The following KIAA1217 variants were observed in gnomAD, a reference collection of about 807,000 sequenced individuals.
KIAA1217 encodes the protein KIAA1217.
Under a neutral mutation model 163.9 loss-of-function variants are expected in KIAA1217, and 88 were observed. That is an observed-to-expected ratio of 0.54 (90% CI 0.45 to 0.64). KIAA1217 has a LOEUF of 0.64. Among genes scored for constraint, KIAA1217 ranks in the 30% least tolerant of loss-of-function variants. The probability of loss-of-function intolerance (pLI) is 0.00; values close to 1 mark genes in which losing one functional copy is unlikely to be tolerated. For missense variants in KIAA1217, 2,372 were observed against 2,475.0 expected (o/e 0.96, Z 0.88); for synonymous variants, 903 against 923.1 (o/e 0.98, Z 0.39).
chr10:24,196,940 C>T (rs1376032824), intron 2 of KIAA1217, among the ~76,000 whole-genome samples: 3 of 152,268 alleles, frequency 2.0e-5, no homozygotes, highest in East Asian at 3.9e-4. Context: ...CACTCATTTA[C>T]CCAACAAATA....
At chr10:24,322,053 AT>A (rs2044233620) in intron 2 of KIAA1217, among the ~76,000 whole-genome samples, 1 of 152,016 alleles carries the variant, frequency 6.6e-6, no homozygotes, top group Non-Finnish European at 1.5e-5. Context: ...GGTTCACGCG[AT>A]TCTCCCACCT....
At chr10:24,124,806 G>A (rs187708062) in intron 2 of KIAA1217, among the ~76,000 whole-genome samples, 19 of 152,002 alleles carry the variant, frequency 1.2e-4, no homozygotes, top group African/African-American at 3.1e-4. Context: ...TAAAATATCC[G>A]TTCTAAATTT....
At chr10:24,062,075 T>C (rs1311555271) in intron 2 of KIAA1217, among the ~76,000 whole-genome samples, 1 of 152,072 alleles carries the variant, frequency 6.6e-6, no homozygotes, top group Non-Finnish European at 1.5e-5. Flanking sequence ...CTGATTCTTC[T>C]GCTTGCTCTT....
In KIAA1217 at chr10:24,543,871, G is replaced by A; in HGVS notation, c.4601G>A (p.Gly1534Glu). 1 of 1,614,048 alleles carries A rather than the reference G, an allele frequency of 6.2e-7. No homozygotes were observed. The highest frequency in any genetic ancestry group is 8.5e-7 in the Non-Finnish European group (1 of 1,180,022). ...HSLATETRNP[G>E]GQEMNRTELN... The stretch of plus-strand genomic sequence containing the variant: ...CTGGCCACAGAGACCAGAAACCCAG[G>A]AGGACAGGAAATGAACAGAACGGAG... Residue 1534 changes from glycine (G) to glutamate (E), a missense_variant, in exon 19 of 21, where the codon GGA becomes GAA. Gly to Glu is a moderately conservative substitution (Grantham distance 98). Coordinates refer to ENST00000376454, the MANE Select transcript of KIAA1217 (RefSeq NM_019590.5).
chr10:23,787,727 C>T (rs1208914594), intron 1 of KIAA1217, among the ~76,000 whole-genome samples: 1 of 152,122 alleles, frequency 6.6e-6, no homozygotes, highest in Non-Finnish European at 1.5e-5. Context: ...TGAGAAACAG[C>T]CTTTCTTGTC....
chr10:23,910,621 G>A (rs1304142493), intron 1 of KIAA1217, among the ~76,000 whole-genome samples: 2 of 152,136 alleles, frequency 1.3e-5, no homozygotes, highest in Non-Finnish European at 2.9e-5. Context: ...TTAAATCCTG[G>A]GTGAGGAAAC....
chr10:24,342,166 A>G (rs1013852315), intron 2 of KIAA1217, among the ~76,000 whole-genome samples: 2 of 152,230 alleles, frequency 1.3e-5, no homozygotes, highest in Non-Finnish European at 2.9e-5. Flanking sequence ...ACAGAGAGCA[A>G]CAGTCACAAA....
At chr10:23,870,440 C>G (rs1322713646) in intron 1 of KIAA1217, among the ~76,000 whole-genome samples, 1 of 152,020 alleles carries the variant, frequency 6.6e-6, no homozygotes, top group Non-Finnish European at 1.5e-5. Flanking sequence ...AAGCCATAAT[C>G]AGTCCCCACC....
At chr10:24,422,016 T>G (rs1372918746) in intron 3 of KIAA1217, among the ~76,000 whole-genome samples, 1 of 152,222 alleles carries the variant, frequency 6.6e-6, no homozygotes. Flanking sequence ...TCCACATGGC[T>G]GGGGAGGCCT....
chr10:24,005,429 G>A (rs1206922373), intron 1 of KIAA1217, among the ~76,000 whole-genome samples: 6 of 152,120 alleles, frequency 3.9e-5, no homozygotes, highest in African/African-American at 1.4e-4. Context: ...ATAATTTGAA[G>A]CAATCAAACA....
At chr10:24,039,298 G>T (rs1323599557) in intron 2 of KIAA1217, among the ~76,000 whole-genome samples, 1 of 151,724 alleles carries the variant, frequency 6.6e-6, no homozygotes, top group Admixed American at 6.6e-5. Context: ...TATACACACA[G>T]TCCCCAACAT....
chr10:24,407,257 C>CGTGTGTGTGT (rs10545826), intron 3 of KIAA1217, among the ~76,000 whole-genome samples: 1 of 147,712 alleles, frequency 6.8e-6, no homozygotes, highest in African/African-American at 2.5e-5. Context: ...GATGAAGATA[C>CGTGTGTGTGT]GTGTGTGTGT....
At chr10:24,338,275 C>T (rs190666215) in intron 2 of KIAA1217, among the ~76,000 whole-genome samples, 1 of 152,150 alleles carries the variant, frequency 6.6e-6, no homozygotes, top group Non-Finnish European at 1.5e-5. Context: ...TAAGGTTGAA[C>T]CCATACATAT....
intron 4 of KIAA1217, among the ~76,000 whole-genome samples, chr10:24,437,793 A>C (rs1182568877): frequency 6.7e-6 from 1 of 149,154 alleles, no homozygotes; most frequent in Non-Finnish European, 1.5e-5. Context: ...TTTCTAACCC[A>C]CTATGGAAGG....
intron 1 of KIAA1217, among the ~76,000 whole-genome samples, chr10:23,945,468 G>T (rs1208868421): frequency 6.6e-6 from 1 of 152,156 alleles, no homozygotes; most frequent in Non-Finnish European, 1.5e-5. Context: ...ATGGAAGGAG[G>T]TAGGCATTGA....
intron 2 of KIAA1217, among the ~76,000 whole-genome samples, chr10:24,292,811 C>G (rs1423198752): frequency 6.6e-6 from 1 of 151,782 alleles, no homozygotes; most frequent in Admixed American, 6.6e-5. Context: ...AAAGTGTGGC[C>G]GCTACTTGAA....
chr10:23,790,523 A>ACATATATACATGTG (rs1835831566), intron 1 of KIAA1217, among the ~76,000 whole-genome samples: 2 of 97,428 alleles, frequency 2.1e-5, no homozygotes, highest in East Asian at 2.6e-4. Context: ...ATGTATATAT[A>ACATATATACATGTG]CATATATACA....
Position 24,219,584 on chromosome 10 carries a change from T to C in KIAA1217, c.71-42T>C, listed in dbSNP as rs2069307167. 4.0e-6 allele frequency: 6 copies of C among 1,508,762 alleles called. No homozygotes were observed. In the East Asian group the frequency reaches 1.4e-4, roughly 35 times the overall value. The allele number at this position is 1,508,762 out of a possible 1,614,324, so 93.5% of individuals were successfully genotyped here. On this transcript the variant is annotated intron_variant, in intron 1 of 20. Transcript: ENST00000376454. ...GGTGTTCTGCAAATGAGACTTCTAG[T>C]GTGAAATCATTAATTGTGAACCGAA...
At chr10:24,343,335 G>A (rs1183017886) in intron 2 of KIAA1217, among the ~76,000 whole-genome samples, 1 of 152,110 alleles carries the variant, frequency 6.6e-6, no homozygotes, top group African/African-American at 2.4e-5. Context: ...AGTAAAAAAA[G>A]CTCATTGTTT....
Sources: gnomAD v4.1 joint callset for allele counts (sites outside exome capture counted in the v4.1 genomes callset) on GRCh38, gnomAD v4.1.1 for gene constraint, MANE v1.5 for transcripts, NCBI Gene and HGNC (gene_info 2026-07-23, HGNC 2026-07-21) for gene names.